PCDHA3: variants seen among roughly 807,000 people sequenced by gnomAD.
PCDHA3 encodes protocadherin alpha 3, also known as protocadherin alpha-3.
A neutral mutation model predicts 62.2 loss-of-function variants in PCDHA3; 41 were observed. The ratio of observed to expected loss-of-function variants is 0.66; its 90% CI spans 0.51 to 0.86. PCDHA3 has a LOEUF of 0.86. Among genes scored for constraint, PCDHA3 ranks in the 40% least tolerant of loss-of-function variants. PCDHA3 has a pLI of 0.00. For missense variants in PCDHA3, 1,304 were observed against 1,241.2 expected, an observed-to-expected ratio of 1.05 and a Z score of -0.76; for synonymous variants, 640 against 555.4, an observed-to-expected ratio of 1.15 and a Z score of -2.14.
At chr5:140,846,148 T>A (rs1780222185) in intron 1 of PCDHA3, among the ~76,000 whole-genome samples, 1 of 149,706 alleles carries the variant, frequency 6.7e-6, no homozygotes, top group South Asian at 2.1e-4. Flanking sequence ...TATTTAAAAG[T>A]TGCCTGAGAT....
chr5:140,883,320 C>T, intron 1 of PCDHA3: 1 of 1,614,112 alleles, frequency 6.2e-7, no homozygotes, highest in Non-Finnish European at 8.5e-7. Flanking sequence ...CCAGAGGTTA[C>T]CATCACTTCT....
intron 1 of PCDHA3, chr5:140,849,490 G>A: frequency 6.3e-7 from 1 of 1,592,564 alleles, no homozygotes; most frequent in African/African-American, 1.4e-5. Context: ...CCCCTGGCTG[G>A]TCATTGTACA....
chr5:140,914,364 A>T lies in PCDHA3; in HGVS notation c.2395-64585A>T, dbSNP rs1256559741. 2.0e-5 allele frequency among the ~76,000 whole-genome samples: 3 copies of T among 152,096 alleles called. No individual in the cohort carries two copies. The East Asian group carries it at 5.8e-4, about 29-fold the overall frequency. On this transcript the variant is annotated intron_variant, in intron 1 of 3. Transcript: ENST00000522353. ...CTCTTTTTGGAGTTTTTGTCTTGAG[A>T]TCTATTTTATCTGTTATAAGTGTAG...
At chr5:140,960,436 G>C (rs2095548378) in intron 1 of PCDHA3, among the ~76,000 whole-genome samples, 1 of 152,180 alleles carries the variant, frequency 6.6e-6, no homozygotes. Context: ...TGATACTCTA[G>C]ATATATGTAT....
chr5:140,882,587 G>C (rs559310344), intron 1 of PCDHA3: 9 of 1,614,256 alleles, frequency 5.6e-6, no homozygotes, highest in Non-Finnish European at 6.8e-6. Flanking sequence ...CATCCACCTG[G>C]AGGTGATCGT....
chr5:140,813,178 T>G (rs1330522821), intron 1 of PCDHA3: 1 of 152,218 alleles, frequency 6.6e-6, no homozygotes, highest in Non-Finnish European at 1.5e-5. Flanking sequence ...GTTGTTCAAG[T>G]CCTCTGCTTC....
chr5:140,837,239 ATTTATCTTCTT>A (rs1411047562), intron 1 of PCDHA3: 4 of 152,014 alleles, frequency 2.6e-5, no homozygotes, highest in Non-Finnish European at 1.5e-5. Context: ...TTTTACATCT[ATTTATCTTCTT>A]TTTATCATAT....
rs1364118007 is a variant in PCDHA3 at position 140,899,089 on chromosome 5, G to T, written c.2395-79860G>T. Among the ~76,000 whole-genome samples the T allele has an allele frequency of 5.3e-5, 8 of 152,134 alleles. No individual in the cohort carries two copies. The East Asian group carries it at 1.5e-3, about 29-fold the overall frequency. On this transcript the variant is annotated intron_variant, in intron 1 of 3. Coordinates refer to ENST00000522353, the MANE Select transcript of PCDHA3 (RefSeq NM_018906.3). ...TGCTTATCAGCTTAAGGAGATTTTG[G>T]GCTGAGATAATGGGGTTTTCTAGAT...
At chr5:140,912,689 CA>C (rs781833135) in intron 1 of PCDHA3, among the ~76,000 whole-genome samples, 5 of 152,112 alleles carry the variant, frequency 3.3e-5, no homozygotes, top group African/African-American at 4.8e-5. Context: ...TTCCAGGTCT[CA>C]GGGGGAATGC....
intron 1 of PCDHA3, among the ~76,000 whole-genome samples, chr5:140,873,335 T>C (rs192894155): frequency 6.6e-6 from 1 of 152,358 alleles, no homozygotes; most frequent in African/African-American, 2.4e-5. Flanking sequence ...CATACATTAC[T>C]CATCTCCAGA....
chr5:140,875,578 T>C lies in PCDHA3; in HGVS notation c.2394+71987T>C, dbSNP rs534589966. 6 of 1,614,098 alleles carry C rather than the reference T, an allele frequency of 3.7e-6. No homozygotes were observed. Among genetic ancestry groups the C allele is most frequent in the East Asian group, 4.5e-5 (2 of 44,882 alleles). On this transcript the variant is annotated intron_variant, in intron 1 of 3. Coordinates refer to ENST00000522353, the MANE Select transcript of PCDHA3 (RefSeq NM_018906.3). ...GAGCGGCCAGCTCCACTACTCCGTC[T>C]ACGAGGAGGCCAAACACGGCACCTT... is the stretch of plus-strand genomic sequence containing the variant.
rs1408028670 is a variant in PCDHA3 at position 140,806,966 on chromosome 5, G to A, written c.2394+3375G>A. 5.0e-6 allele frequency: 3 copies of A among 604,170 alleles called. No homozygotes were observed. The African/African-American group carries it at 5.6e-5, about 11-fold the overall frequency. The allele number at this position is 604,170 out of a possible 1,614,324, so 37.4% of individuals were successfully genotyped here. Reference sequence around the variant, plus strand: ...AGAGTGTGTGGGGGTTTCCACAATTGCTACTTACGGTTTGGAGCCACATGA... The same window carrying A: ...AGAGTGTGTGGGGGTTTCCACAATTACTACTTACGGTTTGGAGCCACATGA... On this transcript the variant is annotated intron_variant, in intron 1 of 3. Coordinates refer to ENST00000522353, the MANE Select transcript of PCDHA3 (RefSeq NM_018906.3).
chr5:140,927,529 C>G, intron 1 of PCDHA3: 2 of 1,614,098 alleles, frequency 1.2e-6, no homozygotes, highest in South Asian at 1.1e-5. Flanking sequence ...GCTACCTGCC[C>G]GCTCAGGAGA....
At chr5:140,911,934 A>G (rs2075691303) in intron 1 of PCDHA3, among the ~76,000 whole-genome samples, 1 of 152,158 alleles carries the variant, frequency 6.6e-6, no homozygotes, top group East Asian at 1.9e-4. Flanking sequence ...AATAGGATAG[A>G]TGTATATATA....
chr5:140,842,833 G>A (rs2150345811), intron 1 of PCDHA3: 9 of 1,593,762 alleles, frequency 5.6e-6, no homozygotes. Flanking sequence ...AGCGCTCGCT[G>A]TCGAGCTACA....
In PCDHA3 at chr5:140,841,621, G is replaced by A. The variant is rs2150319619; in HGVS notation, c.2394+38030G>A. 7.4e-6 allele frequency: 12 copies of A among 1,614,032 alleles called. No homozygotes were observed. The African/African-American group carries it at 1.3e-4, about 18-fold the overall frequency. On this transcript the variant is annotated intron_variant, in intron 1 of 3. Coordinates refer to ENST00000522353, the MANE Select transcript of PCDHA3 (RefSeq NM_018906.3). ...GCGAGGAGCTGTGCGGGCGGAGCGC[G>A]GAGTGCAGCATCCACCTGGAGGTGA...
intron 1 of PCDHA3, chr5:140,862,950 G>A (rs559605019): frequency 1.1e-4 from 59 of 541,460 alleles, no homozygotes; most frequent in Non-Finnish European, 2.1e-4. Flanking sequence ...GAGCTGGTGC[G>A]GTATTCAGTG....
chr5:140,870,428 T>C, intron 1 of PCDHA3: 3 of 1,614,126 alleles, frequency 1.9e-6, no homozygotes, highest in Non-Finnish European at 2.5e-6. Flanking sequence ...AGGGTATCCG[T>C]GGAGGTGGCC....
rs1554121995 is a variant in PCDHA3 at position 140,802,286 on chromosome 5, T to C, written c.1089T>C (p.Ser363=). The C allele has an allele frequency of 1.2e-6, 2 of 1,614,132 alleles. No homozygotes were observed. The highest frequency in any genetic ancestry group is 2.7e-5 in the African/African-American group (2 of 74,942). ...TATCTTTACCTGTATTAGAAGACTC[T>C]CCACTTAGCACAGTCATCGCTCTGA... ...QSLSLPVLED[S]PLSTVIALIS... Residue 363 remains serine (S), a synonymous_variant, in exon 1 of 4, where the codon TCT becomes TCC. Coordinates refer to ENST00000522353, the MANE Select transcript of PCDHA3 (RefSeq NM_018906.3).
Sources: gnomAD v4.1 joint callset for allele counts (sites outside exome capture counted in the v4.1 genomes callset) on GRCh38, gnomAD v4.1.1 for gene constraint, MANE v1.5 for transcripts, NCBI Gene and HGNC (gene_info 2026-07-23, HGNC 2026-07-21) for gene names.